PHF24: variants seen among roughly 807,000 people sequenced by gnomAD.
The protein encoded by PHF24 is Galpha inhibitory interacting protein.
PHF24 carries 25 observed loss-of-function variants against 42.6 expected under a neutral mutation model. That is an observed-to-expected ratio of 0.59 (90% CI 0.43 to 0.82). The LOEUF (loss-of-function observed/expected upper bound fraction) is 0.82. PHF24 is among the 40% of genes least tolerant of loss of function. The probability of loss-of-function intolerance (pLI) is 0.00; values close to 1 mark genes in which losing one functional copy is unlikely to be tolerated. For missense variants in PHF24, 470 were observed against 538.1 expected, an observed-to-expected ratio of 0.87 and a Z score of 1.25; for synonymous variants, 185 against 204.8, an observed-to-expected ratio of 0.90 and a Z score of 0.83.
At chr9:34,829,771 T>C in the PHF24 span, among the ~76,000 whole-genome samples, 12 of 151,850 alleles carry the variant, frequency 7.9e-5, no homozygotes, top group African/African-American at 2.9e-4. Context: ...ACAAGGAGAG[T>C]CAGTAAAAAT....
chr9:34,721,761 A>C, the PHF24 span, among the ~76,000 whole-genome samples: 1 of 151,880 alleles, frequency 6.6e-6, no homozygotes, highest in Non-Finnish European at 1.5e-5. Flanking sequence ...TCCATCATTC[A>C]CCTGAGGCTG....
the PHF24 span, among the ~76,000 whole-genome samples, chr9:34,684,352 G>T: frequency 6.6e-6 from 1 of 152,104 alleles, no homozygotes; most frequent in Non-Finnish European, 1.5e-5. Flanking sequence ...GACTACTGGG[G>T]GCCTTACACT....
At chr9:34,765,235 G>A in the PHF24 span, among the ~76,000 whole-genome samples, 1 of 152,094 alleles carries the variant, frequency 6.6e-6, no homozygotes, top group African/African-American at 2.4e-5. Context: ...GCAGAGCTGA[G>A]TTCAATTCCT....
chr9:34,890,253 T>C, the PHF24 span, among the ~76,000 whole-genome samples: 646 of 152,286 alleles, frequency 4.2e-3, no homozygotes, highest in Non-Finnish European at 5.4e-3. Flanking sequence ...TGGGGAGAGC[T>C]CCAGTGCTGT....
chr9:34,971,560 G>A (rs749347841), exon 2 of PHF24: 9 of 1,614,152 alleles, frequency 5.6e-6, no homozygotes, highest in South Asian at 3.3e-5. Flanking sequence ...TGGGCGCGGC[G>A]TGGAGCCTGA....
the PHF24 span, among the ~76,000 whole-genome samples, chr9:34,759,707 C>G: frequency 6.6e-6 from 1 of 152,198 alleles, no homozygotes; most frequent in African/African-American, 2.4e-5. Context: ...CCATGTTCTG[C>G]AAATCCTGCA....
chr9:34,977,317 C>T, intron 6 of PHF24, 74 bp downstream of exon 6: 1 of 1,491,332 alleles, frequency 6.7e-7, no homozygotes, highest in East Asian at 2.3e-5. Flanking sequence ...CCCTTCCATA[C>T]CTCCCTGCTC....
chr9:34,739,420 T>G, the PHF24 span, among the ~76,000 whole-genome samples: 1,658 of 152,308 alleles, frequency 0.011, 17 homozygotes, highest in Admixed American at 0.027. Context: ...ACCTAATAGA[T>G]AAACTCATAT....
the PHF24 span, among the ~76,000 whole-genome samples, chr9:34,677,531 G>A: frequency 7.9e-5 from 12 of 151,562 alleles, no homozygotes; most frequent in South Asian, 2.3e-3. Context: ...CGAGTAGATG[G>A]GACTACAGGT....
the PHF24 span, among the ~76,000 whole-genome samples, chr9:34,804,265 T>C: frequency 6.6e-6 from 1 of 152,182 alleles, no homozygotes; most frequent in Non-Finnish European, 1.5e-5. Flanking sequence ...TGAGTAAGTT[T>C]GAGGTGATGT....
chr9:34,973,430 A>G (rs1052971372), intron 3 of PHF24, among the ~76,000 whole-genome samples: 1 of 152,230 alleles, frequency 6.6e-6, no homozygotes, highest in African/African-American at 2.4e-5. Flanking sequence ...TTATATATAA[A>G]TGCCTTCTAA....
the PHF24 span, among the ~76,000 whole-genome samples, chr9:34,677,860 C>T: frequency 0.047 from 7,173 of 152,256 alleles, 260 homozygotes; most frequent in Non-Finnish European, 0.077. Context: ...CGTCCATTGT[C>T]CTCTGGCCAC....
chr9:34,936,409 C>T, the PHF24 span, among the ~76,000 whole-genome samples: 12 of 152,320 alleles, frequency 7.9e-5, no homozygotes, highest in Non-Finnish European at 1.5e-4. Flanking sequence ...GGCGTGATCT[C>T]GGCTCGCTAC....
chr9:34,834,507 G>A, the PHF24 span: 2 of 1,551,436 alleles, frequency 1.3e-6, no homozygotes, highest in African/African-American at 2.7e-5. Context: ...CGAATCGACT[G>A]TTTCTGGATG....
chr9:34,980,746 C>T (rs889328124), exon 8 of PHF24: 3 of 152,200 alleles, frequency 2.0e-5, no homozygotes, highest in African/African-American at 7.2e-5. Flanking sequence ...CAAATATTAG[C>T]GTTTGGCTCT....
chr9:34,690,515 C>A, the PHF24 span, among the ~76,000 whole-genome samples: 1 of 150,342 alleles, frequency 6.7e-6, no homozygotes, highest in African/African-American at 2.4e-5. Flanking sequence ...AGCCATTATG[C>A]ACCAATATGG....
At chr9:34,880,019 A>G in the PHF24 span, among the ~76,000 whole-genome samples, 1 of 152,262 alleles carries the variant, frequency 6.6e-6, no homozygotes, top group African/African-American at 2.4e-5. Flanking sequence ...AAACTCTACA[A>G]GCCAGAAGAG....
exon 3 of PHF24, chr9:34,972,474 T>C (rs777837103): frequency 6.2e-7 from 1 of 1,614,008 alleles, no homozygotes; most frequent in Non-Finnish European, 8.5e-7. Flanking sequence ...AAGGAGACAG[T>C]GCAGCGGAGG....
the PHF24 span, chr9:34,837,266 GCA>G: frequency 0.057 from 21,642 of 378,084 alleles, 1,677 homozygotes; most frequent in African/African-American, 0.24. Context: ...GCCTTTCTGT[GCA>G]CAGTGTAATG....
Sources: allele counts gnomAD v4.1 joint callset (sites outside exome capture counted in the v4.1 genomes callset), GRCh38; gene constraint gnomAD v4.1.1; transcripts MANE v1.5; gene names NCBI Gene and HGNC (gene_info 2026-07-23, HGNC 2026-07-21).